PRP4K: variants seen among roughly 807,000 people sequenced by gnomAD.
PRP4K encodes pre-mRNA processing factor kinase PRP4K.
chr6:4,059,750 A>G, the PRP4K span, among the ~76,000 whole-genome samples: 1 of 152,116 alleles, frequency 6.6e-6, no homozygotes. Context: ...GGTTCAAGCA[A>G]TTCTCATGCC....
At chr6:4,032,176 G>A in the PRP4K span, 1 of 1,613,678 alleles carries the variant, frequency 6.2e-7, no homozygotes, top group African/African-American at 1.3e-5. Flanking sequence ...TCAAAGGAGA[G>A]GAAAAAATCT....
chr6:4,063,650 C>G, the PRP4K span: 4 of 152,056 alleles, frequency 2.6e-5, no homozygotes, highest in East Asian at 7.7e-4. Context: ...TTTTTATACT[C>G]CCCAATTTAG....
chr6:4,036,184 C>G, the PRP4K span, among the ~76,000 whole-genome samples: 1 of 152,020 alleles, frequency 6.6e-6, no homozygotes, highest in African/African-American at 2.4e-5. Context: ...CTGAAAGGTA[C>G]TTGTGTGATA....
At chr6:4,055,302 A>T in the PRP4K span, among the ~76,000 whole-genome samples, 1 of 152,256 alleles carries the variant, frequency 6.6e-6, no homozygotes, top group Non-Finnish European at 1.5e-5. Context: ...CTTACACTTT[A>T]AAAAGTTTTA....
the PRP4K span, among the ~76,000 whole-genome samples, chr6:4,030,606 C>T: frequency 6.6e-6 from 1 of 152,242 alleles, no homozygotes; most frequent in African/African-American, 2.4e-5. Context: ...AACTTTTTAA[C>T]TCAGCATAAG....
the PRP4K span, chr6:4,049,904 C>T: frequency 1.9e-6 from 3 of 1,611,768 alleles, no homozygotes; most frequent in South Asian, 2.2e-5. Flanking sequence ...CGTGAGGAAA[C>T]CTTTAACAGT....
At chr6:4,062,707 T>G in the PRP4K span, 1 of 152,396 alleles carries the variant, frequency 6.6e-6, no homozygotes, top group African/African-American at 2.4e-5. The surrounding 1 kb of genome is among the most constrained non-coding windows in gnomAD (Gnocchi z 4.2). Context: ...ATAAGCCACC[T>G]CTGAACCTAC....
the PRP4K span, among the ~76,000 whole-genome samples, chr6:4,025,777 A>AG: frequency 1.1e-4 from 17 of 152,322 alleles, no homozygotes; most frequent in African/African-American, 4.1e-4. Flanking sequence ...GTAAATTGTT[A>AG]GCATTAGAAA....
At chr6:4,053,903 T>TTTTTGTTTTGTTTTG in the PRP4K span, among the ~76,000 whole-genome samples, 9,928 of 149,450 alleles carry the variant, frequency 0.066, 1,131 homozygotes, top group African/African-American at 0.23. Context: ...TCTTTTGTTT[T>TTTTTGTTTTGTTTTG]TTTTGTTTTG....
chr6:4,048,920 T>G, the PRP4K span: 1 of 715,190 alleles, frequency 1.4e-6, no homozygotes, highest in Non-Finnish European at 2.2e-6. Context: ...ATGCTTTTAT[T>G]AAATTATATC....
the PRP4K span, among the ~76,000 whole-genome samples, chr6:4,028,894 C>T: frequency 1.3e-4 from 20 of 152,158 alleles, no homozygotes; most frequent in African/African-American, 3.6e-4. Flanking sequence ...GGCTAGACAA[C>T]GTACTTTTGC....
chr6:4,034,705 T>C, the PRP4K span, among the ~76,000 whole-genome samples: 1 of 151,900 alleles, frequency 6.6e-6, no homozygotes, highest in Non-Finnish European at 1.5e-5. Context: ...TATTTTTATT[T>C]ATTTATTTTA....
chr6:4,027,081 C>G, the PRP4K span, among the ~76,000 whole-genome samples: 2 of 152,106 alleles, frequency 1.3e-5, no homozygotes, highest in Non-Finnish European at 2.9e-5. Flanking sequence ...AAGTATAGGA[C>G]CTTTTGCTCT....
the PRP4K span, chr6:4,047,122 G>A: frequency 5.5e-6 from 8 of 1,465,462 alleles, no homozygotes; most frequent in Non-Finnish European, 6.7e-6. Flanking sequence ...CACTTATTTT[G>A]TGTTTTAAAT....
the PRP4K span, among the ~76,000 whole-genome samples, chr6:4,047,949 G>T: frequency 6.9e-6 from 1 of 145,850 alleles, no homozygotes; most frequent in East Asian, 2.0e-4. Context: ...CACACACAGA[G>T]CAATAGGAAC....
the PRP4K span, chr6:4,052,904 T>C: frequency 6.4e-7 from 1 of 1,561,920 alleles, no homozygotes; most frequent in African/African-American, 1.4e-5. Context: ...GCGCTGTACA[T>C]CTTGAACATA....
the PRP4K span, chr6:4,021,615 G>A: frequency 8.7e-7 from 1 of 1,149,064 alleles, no homozygotes; most frequent in Non-Finnish European, 1.2e-6. Flanking sequence ...GAGGCATGGG[G>A]AGCAGGCGGC....
the PRP4K span, among the ~76,000 whole-genome samples, chr6:4,029,624 A>G: frequency 6.6e-6 from 1 of 152,042 alleles, no homozygotes. Context: ...TGGTGCTGGG[A>G]TTACAGATGT....
the PRP4K span, among the ~76,000 whole-genome samples, chr6:4,046,606 A>G: frequency 6.6e-6 from 1 of 151,818 alleles, no homozygotes; most frequent in Non-Finnish European, 1.5e-5. Context: ...TTGCTTAGCT[A>G]TTAGCTTATT....
Sources: allele counts gnomAD v4.1 joint callset (sites outside exome capture counted in the v4.1 genomes callset), GRCh38; gene constraint gnomAD v4.1.1; non-coding constraint Gnocchi (gnomAD v3.1); transcripts MANE v1.5; gene names NCBI Gene and HGNC (gene_info 2026-07-23, HGNC 2026-07-21).